The following FBXW11 variants were observed in gnomAD, a reference collection of about 807,000 sequenced individuals.
FBXW11 encodes F-box/WD repeat-containing protein 11.
In FBXW11, 19 loss-of-function variants were observed where a neutral mutation model predicts 77.6. The ratio of observed to expected loss-of-function variants is 0.24; its 90% CI spans 0.17 to 0.36. FBXW11 has a LOEUF of 0.36. FBXW11 is among the 10% of genes least tolerant of loss of function. The pLI is 1.00. For synonymous variants in FBXW11, 235 were observed against 249.4 expected, an observed-to-expected ratio of 0.94 and a Z score of 0.54; for missense variants, 334 against 704.2, an observed-to-expected ratio of 0.47 and a Z score of 5.95.
rs957684481 is a variant in FBXW11 at position 171,904,117 on chromosome 5, C to G, written c.437-4017G>C. The stretch of plus-strand genomic sequence containing the variant: ...TTTGAGACCAGCCTGGACAGCATGG[C>G]AAAACTCCATCTCTACTAAATATAC... On this transcript the variant is annotated intron_variant, in intron 4 of 13. Coordinates refer to ENST00000517395, the MANE Select transcript of FBXW11 (RefSeq NM_001378974.1). The surrounding 1 kb of genome is among the most constrained non-coding windows in gnomAD (Gnocchi z 4.0). Among the ~76,000 whole-genome samples the G allele has an allele frequency of 1.3e-5, 2 of 151,972 alleles. No homozygotes were observed. Among genetic ancestry groups the G allele is most frequent in the African/African-American group, 4.8e-5 (2 of 41,384 alleles).
In FBXW11 at chr5:171,998,710, T is replaced by C. The variant is rs532604781; in HGVS notation, c.45+7748A>G. ...TACTCGGGAGGCTGAGGAAGGAGAA[T>C]CACTTGAACCCGGGAGACAGAGGCT... On this transcript the variant is annotated intron_variant, in intron 1 of 13. Transcript: ENST00000517395. Among the ~76,000 whole-genome samples, 3 of 146,876 alleles carry C rather than the reference T, an allele frequency of 2.0e-5. No homozygotes were observed. The South Asian group carries it at 6.5e-4, about 32-fold the overall frequency.
At chr5:171,907,943 T>C (rs1581182873) in intron 4 of FBXW11, among the ~76,000 whole-genome samples, 1 of 152,084 alleles carries the variant, frequency 6.6e-6, no homozygotes, top group African/African-American at 2.4e-5. Context: ...AAATACAAGG[T>C]GAGTTCCCTG....
At chr5:171,899,439 T>C (rs1759967180) in intron 5 of FBXW11, among the ~76,000 whole-genome samples, 1 of 152,200 alleles carries the variant, frequency 6.6e-6, no homozygotes, top group African/African-American at 2.4e-5. Flanking sequence ...TATATGCACC[T>C]CTGTCTGTAG....
intron 1 of FBXW11, among the ~76,000 whole-genome samples, chr5:171,975,932 G>C (rs1429686166): frequency 2.6e-5 from 4 of 152,160 alleles, no homozygotes; most frequent in Non-Finnish European, 5.9e-5. Context: ...GAAATGTTGG[G>C]AAACACATTA....
rs149858272 is a variant in FBXW11, at chr5:171,870,843, T to C, written c.1356A>G (p.Glu452=). The change falls in exon 11 of 14, where the codon GAA becomes GAG. Residue 452 remains glutamate, a synonymous_variant. Coordinates refer to ENST00000517395, the MANE Select transcript of FBXW11 (RefSeq NM_001378974.1). ...CTAGGACTCTTAAACAGGCACCACA[T>C]TCAATATCCCAGAGCCTTGAATGAA... The part of the protein sequence containing the change: ...SDNTIRLWDI[E]CGACLRVLEG... 5 of 1,613,144 alleles carry C rather than the reference T, an allele frequency of 3.1e-6. No individual in the cohort carries two copies. In the East Asian group the frequency reaches 1.1e-4, roughly 36 times the overall value.
chr5:171,916,261 A>AG (rs1761249911), intron 2 of FBXW11, among the ~76,000 whole-genome samples: 1 of 151,300 alleles, frequency 6.6e-6, no homozygotes, highest in Non-Finnish European at 1.5e-5. Context: ...TGAGAAAAAA[A>AG]AAAAAAAAGA....
intron 1 of FBXW11, among the ~76,000 whole-genome samples, chr5:171,960,545 G>A (rs1028404764): frequency 1.3e-5 from 2 of 152,202 alleles, no homozygotes; most frequent in African/African-American, 4.8e-5. Flanking sequence ...ATAAGGTATT[G>A]ATTAGATTCT....
chr5:171,942,064 G>A (rs987231521), intron 2 of FBXW11, among the ~76,000 whole-genome samples: 2 of 151,442 alleles, frequency 1.3e-5, no homozygotes, highest in African/African-American at 4.9e-5. Context: ...TTATAGAAAA[G>A]TTATTAGTAT....
At chr5:171,916,394 A>G (rs1481098609) in intron 2 of FBXW11, 8 of 970,922 alleles carry the variant, frequency 8.2e-6, no homozygotes, top group Non-Finnish European at 9.8e-6. Context: ...TAAACCCCAC[A>G]GCATCAAGGT....
intron 7 of FBXW11, among the ~76,000 whole-genome samples, chr5:171,884,435 G>C (rs1758740487): frequency 6.6e-6 from 1 of 152,142 alleles, no homozygotes; most frequent in South Asian, 2.1e-4. Flanking sequence ...CTGTTTTGGT[G>C]ACTATAAGCA....
At chr5:171,905,669 A>G (rs566922784) in intron 4 of FBXW11, among the ~76,000 whole-genome samples, 2 of 139,460 alleles carry the variant, frequency 1.4e-5, no homozygotes, top group East Asian at 2.4e-4. Context: ...CACAATCTCT[A>G]TTCAGGTACC....
At chr5:171,996,241 TATA>T (rs1766038140) in intron 1 of FBXW11, among the ~76,000 whole-genome samples, 1 of 152,246 alleles carries the variant, frequency 6.6e-6, no homozygotes, top group Non-Finnish European at 1.5e-5. Context: ...TTAACTATTA[TATA>T]AATCATGTGA....
rs1760018994 is a variant in FBXW11, at chr5:171,900,188, A to T, written c.437-88T>A. On this transcript the variant is annotated intron_variant, in intron 4 of 13. Transcript: ENST00000517395. ...TCCTTAAAGATAAGAGGAATAAAGA[A>T]ATCCTGAACCAAGTAAAATATTTTA... 3 of 1,151,386 alleles carry T rather than the reference A, an allele frequency of 2.6e-6. No individual in the cohort carries two copies. The East Asian group carries it at 7.3e-5, about 28-fold the overall frequency. The allele number at this position is 1,151,386 out of a possible 1,614,324, so 71.3% of individuals were successfully genotyped here.
Position 171,967,855 on chromosome 5 carries a change from CATAT to C in FBXW11, c.46-10161_46-10158del, listed in dbSNP as rs375683631. On this transcript the variant is annotated intron_variant, in intron 1 of 13. Transcript: ENST00000517395. ...ACTCTGTCTCAAAAAAAAAAAAATG[CATAT>C]ATATATATATATATATATATATATA... 4.8e-4 allele frequency among the ~76,000 whole-genome samples: 57 copies of C among 118,534 alleles called. 2 individuals are homozygous for C. The highest frequency in any genetic ancestry group is 4.3e-3 in the Middle Eastern group (1 of 232). 77.8% of individuals were successfully genotyped at this position (118,534 alleles called of 152,430 possible). A position where few individuals can be genotyped will look rare whatever the true frequency, so the allele number is the denominator to read the frequency against.
intron 1 of FBXW11, among the ~76,000 whole-genome samples, chr5:171,992,478 G>C (rs535910843): frequency 4.8e-5 from 7 of 145,832 alleles, no homozygotes; most frequent in Non-Finnish European, 7.6e-5. Flanking sequence ...ACGAAAGAAA[G>C]GAAAGAAAGG....
rs908893535 is a variant in FBXW11 at position 171,920,111 on chromosome 5, G to A, written c.148-5706C>T. The stretch of plus-strand genomic sequence containing the variant: ...CCAGGAGGCAGAGGTTGCAGTGAGC[G>A]AAGATCGCACCACTGCACTCCAGTC... On this transcript the variant is annotated intron_variant, in intron 2 of 13. Coordinates refer to ENST00000517395, the MANE Select transcript of FBXW11 (RefSeq NM_001378974.1). Among the ~76,000 whole-genome samples the A allele has an allele frequency of 5.3e-5, 8 of 151,920 alleles. No individual in the cohort carries two copies. In the East Asian group the frequency reaches 7.7e-4, roughly 15 times the overall value.
rs958012060 is a variant in FBXW11, at chr5:171,891,666, G to C, written c.715-62C>G. On this transcript the variant is annotated intron_variant, in intron 6 of 13. Coordinates refer to ENST00000517395, the MANE Select transcript of FBXW11 (RefSeq NM_001378974.1). Reference sequence around the variant, plus strand: ...AATCAACTTACTCTATTAGGTTTCAGACTTTGGCGTTGCTTCCAGAAACAG... The same window carrying C: ...AATCAACTTACTCTATTAGGTTTCACACTTTGGCGTTGCTTCCAGAAACAG... 7.7e-5 allele frequency: 119 copies of C among 1,536,162 alleles called. No individual in the cohort carries two copies. The South Asian group carries it at 1.3e-3, about 17-fold the overall frequency.
At chr5:171,978,359 T>C (rs1009241400) in intron 1 of FBXW11, among the ~76,000 whole-genome samples, 2 of 152,130 alleles carry the variant, frequency 1.3e-5, no homozygotes, top group Non-Finnish European at 2.9e-5. Flanking sequence ...AGTGGTGCCC[T>C]CCACATATAT....
intron 6 of FBXW11, among the ~76,000 whole-genome samples, chr5:171,891,905 A>T (rs772757617): frequency 2.7e-4 from 41 of 152,206 alleles, no homozygotes; most frequent in Non-Finnish European, 5.0e-4. Context: ...TTTGCACCCA[A>T]AACATGCAAA....
Sources: allele counts gnomAD v4.1 joint callset (sites outside exome capture counted in the v4.1 genomes callset), GRCh38; gene constraint gnomAD v4.1.1; non-coding constraint Gnocchi (gnomAD v3.1); transcripts MANE v1.5; gene names NCBI Gene and HGNC (gene_info 2026-07-23, HGNC 2026-07-21).